ENTHD1: variants seen among roughly 807,000 people sequenced by gnomAD.
The protein encoded by ENTHD1 is ENTH domain containing 1.
A neutral mutation model predicts 39.1 loss-of-function variants in ENTHD1; 23 were observed. The ratio of observed to expected loss-of-function variants is 0.59; its 90% confidence interval spans 0.42 to 0.83. The LOEUF (loss-of-function observed/expected upper bound fraction) is 0.83. Among genes scored for constraint, ENTHD1 ranks in the 40% least tolerant of loss-of-function variants. The pLI is 0.00. For synonymous variants in ENTHD1, 230 were observed against 258.2 expected, an observed-to-expected ratio of 0.89 and a Z score of 1.05; for missense variants, 624 against 705.4, an observed-to-expected ratio of 0.88 and a Z score of 1.31.
intron 2 of ENTHD1, among the ~76,000 whole-genome samples, chr22:39,866,186 G>C (rs1733456239): frequency 6.6e-6 from 1 of 152,156 alleles, no homozygotes; most frequent in South Asian, 2.1e-4. Flanking sequence ...CAAGTAGACA[G>C]CCAACTTGAG....
intron 1 of ENTHD1, among the ~76,000 whole-genome samples, chr22:39,889,743 G>T (rs1201702509): frequency 6.6e-6 from 1 of 152,026 alleles, no homozygotes; most frequent in Non-Finnish European, 1.5e-5. Flanking sequence ...TTAAAAAAAT[G>T]AGATAACCTC....
chr22:39,835,708 C>T (rs958024937), intron 4 of ENTHD1, 132 bp downstream of exon 4: 4 of 546,894 alleles, frequency 7.3e-6, no homozygotes, highest in Admixed American at 3.1e-5. Context: ...CACAGCCCTA[C>T]GGACACCTTG....
chr22:39,781,712 A>G (rs1254439691), intron 5 of ENTHD1, among the ~76,000 whole-genome samples: 1 of 152,150 alleles, frequency 6.6e-6, no homozygotes, highest in Non-Finnish European at 1.5e-5. Context: ...AAGGATCGAT[A>G]AAACAAAAAG....
chr22:39,810,990 A>G (rs547835669), intron 5 of ENTHD1, among the ~76,000 whole-genome samples: 1 of 152,222 alleles, frequency 6.6e-6, no homozygotes, highest in African/African-American at 2.4e-5. Context: ...CACACTGGCT[A>G]TCACATTGAT....
chr22:39,845,001 A>G lies in ENTHD1; in HGVS notation c.593-9043T>C, dbSNP rs188925657. On this transcript the variant is annotated intron_variant, in intron 3 of 6. Transcript: ENST00000325157. ...AGGACCTCGTATAAGAGACTCAAAA[A>G]CAGAACAGAGTTCAGGTATTCTAAA... Among the ~76,000 whole-genome samples, 33 of 152,126 alleles carry G rather than the reference A, an allele frequency of 2.2e-4. 1 individual carries two copies. Among genetic ancestry groups the G allele is most frequent in the Admixed American group, 7.2e-4 (11 of 15,270 alleles).
chr22:39,834,387 T>C (rs1485600462), intron 4 of ENTHD1, among the ~76,000 whole-genome samples: 1 of 152,140 alleles, frequency 6.6e-6, no homozygotes, highest in Non-Finnish European at 1.5e-5. Flanking sequence ...TGAAAAGATA[T>C]TCAACATCAT....
chr22:39,785,848 G>C (rs1050761552), intron 5 of ENTHD1, among the ~76,000 whole-genome samples: 13 of 152,144 alleles, frequency 8.5e-5, no homozygotes, highest in Admixed American at 8.5e-4. Flanking sequence ...GGTCTCAGGA[G>C]TGCCCATAAA....
intron 5 of ENTHD1, among the ~76,000 whole-genome samples, chr22:39,807,604 C>T (rs1212104518): frequency 2.0e-5 from 3 of 152,166 alleles, no homozygotes; most frequent in Non-Finnish European, 4.4e-5. Flanking sequence ...TCCTGTTCCT[C>T]CCACCCCAGC....
intron 5 of ENTHD1, among the ~76,000 whole-genome samples, chr22:39,768,969 TATAG>T (rs1342580466): frequency 5.9e-5 from 9 of 152,010 alleles, no homozygotes; most frequent in Non-Finnish European, 1.3e-4. Context: ...ATTATGTATA[TATAG>T]ATAGATACAT....
intron 6 of ENTHD1, among the ~76,000 whole-genome samples, chr22:39,746,618 T>C (rs1484744975): frequency 6.6e-6 from 1 of 152,208 alleles, no homozygotes; most frequent in African/African-American, 2.4e-5. Context: ...GAATAGTCAT[T>C]TGTTGGGGAA....
intron 6 of ENTHD1, among the ~76,000 whole-genome samples, chr22:39,745,804 A>G (rs974534691): frequency 7.9e-5 from 12 of 152,262 alleles, no homozygotes; most frequent in African/African-American, 2.9e-4. Context: ...GTTTGGTTAA[A>G]GAATTCTAGG....
At chr22:39,865,971 G>A (rs2066178956) in intron 2 of ENTHD1, among the ~76,000 whole-genome samples, 1 of 152,152 alleles carries the variant, frequency 6.6e-6, no homozygotes. Flanking sequence ...GGATGGTTAT[G>A]GCCACCAACA....
chr22:39,851,271 T>C (rs1440968563), intron 3 of ENTHD1, among the ~76,000 whole-genome samples: 1 of 152,218 alleles, frequency 6.6e-6, no homozygotes, highest in Non-Finnish European at 1.5e-5. Flanking sequence ...TATTTTCCAT[T>C]TTCTTTAGGC....
At chr22:39,753,107 G>A (rs2065159549) in intron 6 of ENTHD1, among the ~76,000 whole-genome samples, 1 of 152,196 alleles carries the variant, frequency 6.6e-6, no homozygotes, top group African/African-American at 2.4e-5. Flanking sequence ...AAAAAAGGAT[G>A]AAGGCAGTGA....
In ENTHD1 at chr22:39,870,831, C is replaced by A. The variant is rs970447181; in HGVS notation, c.350-8824G>T. 2.0e-5 allele frequency among the ~76,000 whole-genome samples: 3 copies of A among 152,052 alleles called. No homozygotes were observed. In the East Asian group the frequency reaches 5.8e-4, roughly 29 times the overall value. ...CAGTGTGACAGGGCTACAATGTATA[C>A]GTGGACAAGGTGCTAGGGACAAGTA... On this transcript the variant is annotated intron_variant, in intron 2 of 6. Coordinates refer to ENST00000325157, the MANE Select transcript of ENTHD1 (RefSeq NM_152512.4).
chr22:39,870,759 C>T (rs2066235574), intron 2 of ENTHD1, among the ~76,000 whole-genome samples: 1 of 152,144 alleles, frequency 6.6e-6, no homozygotes. Flanking sequence ...TATCCTCAGC[C>T]CTCCAAACCT....
At chr22:39,746,061 C>A (rs1249455285) in intron 6 of ENTHD1, among the ~76,000 whole-genome samples, 5 of 152,128 alleles carry the variant, frequency 3.3e-5, no homozygotes, top group African/African-American at 4.8e-5. Context: ...TCCTTCAGCC[C>A]CAGAAAATTA....
chr22:39,793,149 C>T (rs1300423006), intron 5 of ENTHD1, among the ~76,000 whole-genome samples: 1 of 152,038 alleles, frequency 6.6e-6, no homozygotes, highest in Middle Eastern at 3.2e-3. Context: ...GATGATTTCT[C>T]ATTGTAGTTT....
intron 3 of ENTHD1, among the ~76,000 whole-genome samples, chr22:39,845,153 A>C (rs2065976794): frequency 6.6e-6 from 1 of 151,974 alleles, no homozygotes; most frequent in South Asian, 2.1e-4. Context: ...AAGAGTCAAG[A>C]AATCACTAAG....
Sources: gnomAD v4.1 joint callset for allele counts (sites outside exome capture counted in the v4.1 genomes callset) on GRCh38, gnomAD v4.1.1 for gene constraint, MANE v1.5 for transcripts, NCBI Gene and HGNC (gene_info 2026-07-23, HGNC 2026-07-21) for gene names.